KCNMA1: variants seen among roughly 807,000 people sequenced by gnomAD.
The protein encoded by KCNMA1 is Calcium-activated potassium channel subunit alpha-1.
KCNMA1 carries 29 observed loss-of-function variants against 140.0 expected under a neutral mutation model. The observed-to-expected ratio is 0.21, with a 90% confidence interval of 0.15 to 0.28. The LOEUF is 0.28. KCNMA1 is among the 10% of genes least tolerant of loss of function. The pLI, the probability that KCNMA1 is intolerant of heterozygous loss-of-function variation, is 1.00. For synonymous variants in KCNMA1, 612 were observed against 611.9 expected (o/e 1.00, Z 0.00); for missense variants, 880 against 1,602.2 (o/e 0.55, Z 7.70).
intron 2 of KCNMA1, among the ~76,000 whole-genome samples, chr10:77,340,526 C>A (rs1046379041): frequency 5.2e-4 from 79 of 152,198 alleles, no homozygotes; most frequent in Non-Finnish European, 9.1e-4. Flanking sequence ...GAACACTATG[C>A]AGCCATAAAA....
At chr10:77,576,958 T>C (rs2074329256) in intron 1 of KCNMA1, among the ~76,000 whole-genome samples, 1 of 152,118 alleles carries the variant, frequency 6.6e-6, no homozygotes, top group Admixed American at 6.5e-5. Flanking sequence ...CTCACTGAAA[T>C]CCCATGAAAT....
chr10:77,614,805 T>C (rs2088689965), intron 1 of KCNMA1, among the ~76,000 whole-genome samples: 1 of 152,108 alleles, frequency 6.6e-6, no homozygotes, highest in Non-Finnish European at 1.5e-5. Context: ...CAGCCCCAGC[T>C]CAGCTTGGGC....
chr10:77,561,837 G>C (rs2066495803), intron 1 of KCNMA1, among the ~76,000 whole-genome samples: 1 of 152,186 alleles, frequency 6.6e-6, no homozygotes. Flanking sequence ...TTAATCAGCA[G>C]GGAAGTTTTC....
chr10:77,265,835 C>A (rs1489377801), intron 2 of KCNMA1, among the ~76,000 whole-genome samples: 6 of 152,106 alleles, frequency 3.9e-5, no homozygotes, highest in Non-Finnish European at 1.5e-5. Context: ...AATCCCAGCA[C>A]TTTGGGAGGC....
At chr10:77,296,914 G>GT (rs553150841) in intron 2 of KCNMA1, among the ~76,000 whole-genome samples, 21 of 150,018 alleles carry the variant, frequency 1.4e-4, no homozygotes, top group Middle Eastern at 3.4e-3. Flanking sequence ...TGTGTGGGCG[G>GT]GGGGGCGGTG....
intron 1 of KCNMA1, among the ~76,000 whole-genome samples, chr10:77,483,527 T>C (rs186523268): frequency 1.3e-5 from 2 of 152,298 alleles, no homozygotes; most frequent in East Asian, 3.9e-4. Context: ...GAGGGCTCTC[T>C]TCCCCGATCA....
intron 1 of KCNMA1, among the ~76,000 whole-genome samples, chr10:77,630,827 C>G (rs552865319): frequency 1.3e-5 from 2 of 152,072 alleles, no homozygotes; most frequent in South Asian, 2.1e-4. Context: ...TTTGACTAAG[C>G]CAGGCACAGT....
At chr10:77,575,255 CT>C (rs1374525419) in intron 1 of KCNMA1, among the ~76,000 whole-genome samples, 1 of 152,200 alleles carries the variant, frequency 6.6e-6, no homozygotes, top group African/African-American at 2.4e-5. Context: ...AATGACCTCA[CT>C]AAAGGTAAGC....
chr10:77,623,011 A>T (rs530177854), intron 1 of KCNMA1, among the ~76,000 whole-genome samples: 1 of 152,372 alleles, frequency 6.6e-6, no homozygotes, highest in South Asian at 2.1e-4. Context: ...TGGTGAGATG[A>T]GGAAGAAAGA....
chr10:77,577,010 G>A (rs1020747631), intron 1 of KCNMA1, among the ~76,000 whole-genome samples: 1 of 152,144 alleles, frequency 6.6e-6, no homozygotes, highest in Non-Finnish European at 1.5e-5. Flanking sequence ...AAAGAATGGA[G>A]AAGAATGGAG....
intron 22 of KCNMA1, among the ~76,000 whole-genome samples, chr10:76,946,670 A>G (rs991974236): frequency 2.6e-5 from 4 of 152,202 alleles, no homozygotes; most frequent in Non-Finnish European, 5.9e-5. Flanking sequence ...GGTACAAAAC[A>G]AGTCCAACCA....
At chr10:77,562,710 T>C (rs1470338616) in intron 1 of KCNMA1, among the ~76,000 whole-genome samples, 1 of 152,340 alleles carries the variant, frequency 6.6e-6, no homozygotes, top group East Asian at 1.9e-4. Flanking sequence ...CTGCACCTTA[T>C]ACAATAAAGC....
chr10:77,398,149 A>G (rs577043072), intron 2 of KCNMA1, among the ~76,000 whole-genome samples: 11 of 151,072 alleles, frequency 7.3e-5, no homozygotes, highest in Non-Finnish European at 1.5e-4. Flanking sequence ...TGCTATTGTG[A>G]GTAGTGTTGT....
At chr10:76,907,584 G>A (rs1387952004) in intron 25 of KCNMA1, among the ~76,000 whole-genome samples, 2 of 152,042 alleles carry the variant, frequency 1.3e-5, no homozygotes, top group East Asian at 1.9e-4. Flanking sequence ...TGTCACCCAG[G>A]CTGGAGTGCA....
At chr10:77,334,120 C>T (rs1384414428) in intron 2 of KCNMA1, among the ~76,000 whole-genome samples, 3 of 152,216 alleles carry the variant, frequency 2.0e-5, no homozygotes, top group Middle Eastern at 3.4e-3. Flanking sequence ...ATTATACTAT[C>T]GGACATGTAA....
At chr10:77,123,507 A>C (rs1192626005) in intron 5 of KCNMA1, among the ~76,000 whole-genome samples, 1 of 152,194 alleles carries the variant, frequency 6.6e-6, no homozygotes, top group African/African-American at 2.4e-5. Context: ...ATCTCATACC[A>C]GTATCACTGT....
intron 3 of KCNMA1, among the ~76,000 whole-genome samples, chr10:77,209,285 T>C (rs532571530): frequency 6.6e-6 from 1 of 152,290 alleles, no homozygotes; most frequent in Admixed American, 6.5e-5. Context: ...TGGTCACACC[T>C]GTGACACAGC....
intron 5 of KCNMA1, among the ~76,000 whole-genome samples, chr10:77,150,440 C>T (rs1228745971): frequency 6.6e-6 from 1 of 152,186 alleles, no homozygotes. Flanking sequence ...ATGAATTAAT[C>T]ATCAATAAGT....
intron 9 of KCNMA1, among the ~76,000 whole-genome samples, chr10:77,102,378 G>A (rs1373954693): frequency 6.6e-6 from 1 of 152,208 alleles, no homozygotes; most frequent in East Asian, 1.9e-4. Context: ...GGAGGGAATA[G>A]TGTGCGCTCT....
Sources: allele counts gnomAD v4.1 joint callset (sites outside exome capture counted in the v4.1 genomes callset), GRCh38; gene constraint gnomAD v4.1.1; transcripts MANE v1.5; gene names NCBI Gene and HGNC (gene_info 2026-07-23, HGNC 2026-07-21).